Variants in PIWIL1 observed in about 807,000 individuals in gnomAD.
PIWIL1 encodes piwi-like protein 1.
In PIWIL1, 73 loss-of-function variants were observed where a neutral mutation model predicts 114.4. The ratio of observed to expected loss-of-function variants is 0.64; its 90% confidence interval spans 0.53 to 0.78. The LOEUF (loss-of-function observed/expected upper bound fraction) is 0.78. Ranked by LOEUF, PIWIL1 falls within the 30% of genes least tolerant of loss-of-function variation. The pLI is 0.00. For missense variants in PIWIL1, 723 were observed against 1,063.1 expected (o/e 0.68, Z 4.45); for synonymous variants, 375 against 369.0 (o/e 1.02, Z -0.19).
At chr12:130,421,535 T>A in the PIWIL1 span, among the ~76,000 whole-genome samples, 1 of 152,206 alleles carries the variant, frequency 6.6e-6, no homozygotes, top group Non-Finnish European at 1.5e-5. Context: ...AAAAGACCAA[T>A]GGCCTTTTAA....
chr12:130,344,267 G>A lies in PIWIL1; in HGVS notation c.190+1166G>A, dbSNP rs139835265. On this transcript the variant is annotated intron_variant, in intron 3 of 20. Transcript: ENST00000245255. Reference sequence around the variant, plus strand: ...TGTCATCAGGTTGGATTCAGTATGCGTGATTTAGTGTAGTTACTCACCCAG... The same window carrying A: ...TGTCATCAGGTTGGATTCAGTATGCATGATTTAGTGTAGTTACTCACCCAG... Among the ~76,000 whole-genome samples the A allele has an allele frequency of 3.1e-3, 476 of 152,198 alleles. 2 individuals are homozygous for A. The highest frequency in any genetic ancestry group is 1.0e-2 in the African/African-American group (415 of 41,526).
At chr12:130,390,952 C>T in the PIWIL1 span, among the ~76,000 whole-genome samples, 1 of 152,212 alleles carries the variant, frequency 6.6e-6, no homozygotes, top group African/African-American at 2.4e-5. Context: ...TTGAAGCCTC[C>T]TGCCTTCCCC....
At chr12:130,340,841 T>C (rs543521353) in intron 1 of PIWIL1, among the ~76,000 whole-genome samples, 26 of 152,268 alleles carry the variant, frequency 1.7e-4, no homozygotes, top group African/African-American at 6.3e-4. Context: ...TTAAAATTAG[T>C]TGTAATATGC....
intron 6 of PIWIL1, 64 bp downstream of exon 6, chr12:130,347,126 C>T: frequency 8.6e-7 from 1 of 1,167,270 alleles, no homozygotes. Flanking sequence ...GTACATTGAA[C>T]ATCTGCATTC....
chr12:130,354,659 T>C lies in PIWIL1; in HGVS notation c.1167T>C (p.Leu389=). The C allele has an allele frequency of 1.3e-6, 2 of 1,579,284 alleles. No individual in the cohort carries two copies. The highest frequency in any genetic ancestry group is 1.7e-6 in the Non-Finnish European group (2 of 1,166,562). Residue 389 remains leucine, a synonymous_variant, in exon 10 of 21, where the codon CTT becomes CTC. Coordinates refer to ENST00000245255, the MANE Select transcript of PIWIL1 (RefSeq NM_004764.5). ...PAMLIPELCY[L]TGLTDKMRND... Reference sequence around the variant, plus strand: ...TGCTCATTCCTGAGCTCTGCTATCTTACAGGTACTGTTGCATTTCATTTAC... The same window carrying C: ...TGCTCATTCCTGAGCTCTGCTATCTCACAGGTACTGTTGCATTTCATTTAC...
chr12:130,425,953 C>G, the PIWIL1 span: 7 of 152,344 alleles, frequency 4.6e-5, no homozygotes, highest in African/African-American at 1.7e-4. Flanking sequence ...GAGGAGGCAT[C>G]GGGGCACACA....
At chr12:130,397,743 T>A in the PIWIL1 span, 2 of 378,312 alleles carry the variant, frequency 5.3e-6, no homozygotes, top group Non-Finnish European at 4.7e-6. Flanking sequence ...CAGACATAAA[T>A]GTGTGGGTTC....
downstream of PIWIL1, among the ~76,000 whole-genome samples, chr12:130,373,653 G>A (rs1409196200): frequency 6.6e-6 from 1 of 152,124 alleles, no homozygotes; most frequent in Non-Finnish European, 1.5e-5. Flanking sequence ...GGACTCTCAG[G>A]GGAGAGGCCA....
At chr12:130,367,721 A>C (rs1565956744) in intron 19 of PIWIL1, among the ~76,000 whole-genome samples, 1 of 152,228 alleles carries the variant, frequency 6.6e-6, no homozygotes, top group African/African-American at 2.4e-5. Context: ...GCAGAATGCC[A>C]GCCGGAGCTT....
rs1455335618 is a variant in PIWIL1, at chr12:130,354,750, C to T, written c.1171+87C>T. 4.2e-5 allele frequency: 63 copies of T among 1,495,204 alleles called. No homozygotes were observed. The Middle Eastern group carries it at 1.2e-3, about 28-fold the overall frequency. 92.6% of individuals were successfully genotyped at this position (1,495,204 alleles called of 1,614,324 possible). A position where few individuals can be genotyped will look rare whatever the true frequency, so the allele number is the denominator to read the frequency against. On this transcript the variant is annotated intron_variant, in intron 10 of 20. Coordinates refer to ENST00000245255, the MANE Select transcript of PIWIL1 (RefSeq NM_004764.5). Reference sequence around the variant, plus strand: ...GTCCTCAGACATTCCTTTACTTCCCCTTCCCTCCCCCCAGAAAACCTTTTA... The same window carrying T: ...GTCCTCAGACATTCCTTTACTTCCCTTTCCCTCCCCCCAGAAAACCTTTTA...
At chr12:130,358,640 T>A (rs555541055) in intron 14 of PIWIL1, among the ~76,000 whole-genome samples, 18 of 152,254 alleles carry the variant, frequency 1.2e-4, no homozygotes, top group African/African-American at 4.3e-4. Context: ...ACTCTTCATT[T>A]TCCCAATCCC....
At chr12:130,363,320 G>C (rs991093653) in intron 18 of PIWIL1, among the ~76,000 whole-genome samples, 176 bp downstream of exon 18, 1 of 152,166 alleles carries the variant, frequency 6.6e-6, no homozygotes, top group Non-Finnish European at 1.5e-5. Flanking sequence ...TCACAAGAAG[G>C]CTGTGTTGAG....
intron 1 of PIWIL1, 30 bp from the exon 2 acceptor site, chr12:130,342,550 G>C (rs1276617745): frequency 7.7e-7 from 1 of 1,295,208 alleles, no homozygotes; most frequent in Non-Finnish European, 1.1e-6. Flanking sequence ...CCTCCATTGA[G>C]TATTGTCTTC....
rs2073832629 is a variant in PIWIL1 at position 130,372,370 on chromosome 12, T to C, written c.*772T>C. 6.6e-6 allele frequency: 1 copy of C among 152,018 alleles called. No individual in the cohort carries two copies. The highest frequency in any genetic ancestry group is 1.5e-5 in the Non-Finnish European group (1 of 68,002). The allele number at this position is 152,018 out of a possible 1,614,324, so 9.4% of individuals were successfully genotyped here. A position where few individuals can be genotyped will look rare whatever the true frequency, so the allele number is the denominator to read the frequency against. On this transcript the variant is annotated 3_prime_UTR_variant, in exon 21 of 21. Coordinates refer to ENST00000245255, the MANE Select transcript of PIWIL1 (RefSeq NM_004764.5). ...TCTTGTTTTACTGAAAGTATGTGCGTTTTCTTTTCATTTAATTTTTAAAAG... is the reference window on the plus strand; with the variant it reads ...TCTTGTTTTACTGAAAGTATGTGCGCTTTCTTTTCATTTAATTTTTAAAAG...
At chr12:130,399,105 G>A in the PIWIL1 span, 1 of 1,366,474 alleles carries the variant, frequency 7.3e-7, no homozygotes, top group Non-Finnish European at 9.5e-7. Context: ...ATCTTCAGTT[G>A]CTCACTTACG....
chr12:130,382,777 T>C, the PIWIL1 span, among the ~76,000 whole-genome samples: 5 of 152,324 alleles, frequency 3.3e-5, no homozygotes, highest in East Asian at 9.6e-4. Context: ...TAATTGTTGT[T>C]ATATTGGCCA....
chr12:130,349,393 G>T lies in PIWIL1; in HGVS notation c.889G>T (p.Glu297Ter). ...TCAGACAGAAGAACATAAATTTCAA[G>T]AACAAGTTTCCAAAGAACTAATAGG... ...YHQTEEHKFQ[E>*]QVSKELIGLV... Residue 297 changes from glutamate (E) to a stop codon, truncating the protein, a stop_gained, in exon 8 of 21, where the codon GAA becomes TAA. Coordinates refer to ENST00000245255, the MANE Select transcript of PIWIL1 (RefSeq NM_004764.5). LOFTEE classifies it high-confidence loss of function. The T allele has an allele frequency of 6.2e-7, 1 of 1,613,464 alleles. No individual in the cohort carries two copies. The highest frequency in any genetic ancestry group is 1.7e-5 in the Admixed American group (1 of 59,994).
At chr12:130,347,985 T>C (rs2073113743) in intron 6 of PIWIL1, 118 bp from the exon 7 acceptor site, 21 of 593,598 alleles carry the variant, frequency 3.5e-5, no homozygotes, top group South Asian at 2.8e-4. Context: ...GCAGGTAGGT[T>C]GGATTTGGCC....
At chr12:130,420,542 G>T in the PIWIL1 span, among the ~76,000 whole-genome samples, 1 of 152,078 alleles carries the variant, frequency 6.6e-6, no homozygotes, top group Non-Finnish European at 1.5e-5. This position sits in a 1 kb window ranked among gnomAD's most constrained non-coding sequence, Gnocchi z 4.3. Context: ...TTTGGGAAGG[G>T]TTTTTATGAT....
Sources: allele counts gnomAD v4.1 joint callset (sites outside exome capture counted in the v4.1 genomes callset), GRCh38; gene constraint gnomAD v4.1.1; non-coding constraint Gnocchi (gnomAD v3.1); transcripts MANE v1.5; gene names NCBI Gene and HGNC (gene_info 2026-07-23, HGNC 2026-07-21).